Variants in ESRRB observed in about 807,000 individuals in gnomAD.
The protein encoded by ESRRB is steroid hormone receptor ERR2.
A neutral mutation model predicts 46.0 loss-of-function variants in ESRRB; 16 were observed. The ratio of observed to expected loss-of-function variants is 0.35; its 90% CI spans 0.24 to 0.53. ESRRB has a LOEUF of 0.53. ESRRB is among the 20% of genes least tolerant of loss of function. ESRRB has a pLI of 0.93. For synonymous variants in ESRRB, 246 were observed against 259.6 expected, an observed-to-expected ratio of 0.95 and a Z score of 0.50; for missense variants, 488 against 607.4, an observed-to-expected ratio of 0.80 and a Z score of 2.07.
intron 1 of ESRRB, among the ~76,000 whole-genome samples, chr14:76,320,051 C>G (rs1883849619): frequency 6.6e-6 from 1 of 152,140 alleles, no homozygotes. Flanking sequence ...ACTCAACTGC[C>G]AAGCATGCTT....
In ESRRB at chr14:76,332,938, C is replaced by T. The variant is rs368655891; in HGVS notation, c.2+22022C>T. On this transcript the variant is annotated intron_variant, in intron 1 of 6. Coordinates refer to the ESRRB transcript ENST00000512784. ...ATTATATATATTTATATATTATATA[C>T]TTATATATTATATATTTACATTATA... is the stretch of plus-strand genomic sequence containing the variant. 4.9e-3 allele frequency among the ~76,000 whole-genome samples: 160 copies of T among 32,416 alleles called. 12 individuals carry two copies. The highest frequency in any genetic ancestry group is 6.2e-3 in the Non-Finnish European group (122 of 19,634). 21.3% of individuals were successfully genotyped at this position (32,416 alleles called of 152,430 possible).
At chr14:76,359,791 G>T (rs1296324476) in intron 1 of ESRRB, among the ~76,000 whole-genome samples, 1 of 152,136 alleles carries the variant, frequency 6.6e-6, no homozygotes, top group Non-Finnish European at 1.5e-5. Flanking sequence ...GCATGAGAAG[G>T]GAGGAAGAGG....
chr14:76,411,534 G>A lies in ESRRB; in HGVS notation c.51-27807G>A, dbSNP rs112714774. ...GTACCCCTTTATGAGAGTGAGGGGT[G>A]GAGTGTGTTGAGTGAATCCTCGCCT... On this transcript the variant is annotated intron_variant, in intron 1 of 6. Coordinates refer to ENST00000644823, the MANE Select transcript of ESRRB (RefSeq NM_001379180.1). Among the ~76,000 whole-genome samples, 259 of 152,250 alleles carry A rather than the reference G, an allele frequency of 1.7e-3. 1 individual carries two copies. Among genetic ancestry groups the A allele is most frequent in the African/African-American group, 5.9e-3 (247 of 41,556 alleles).
intron 1 of ESRRB, among the ~76,000 whole-genome samples, chr14:76,423,055 C>T (rs1199340022): frequency 2.0e-5 from 3 of 152,062 alleles, no homozygotes; most frequent in African/African-American, 7.3e-5. Context: ...CTCTAAGTTG[C>T]CAACCCAACA....
At chr14:76,441,335 G>C (rs1887914008) in intron 2 of ESRRB, among the ~76,000 whole-genome samples, 2 of 152,190 alleles carry the variant, frequency 1.3e-5, no homozygotes, top group African/African-American at 4.8e-5. Context: ...CAAGAACCCT[G>C]GTGGGTCGCT....
At chr14:76,399,291 G>C (rs991624162) in intron 1 of ESRRB, among the ~76,000 whole-genome samples, 3 of 152,136 alleles carry the variant, frequency 2.0e-5, no homozygotes, top group Non-Finnish European at 4.4e-5. Flanking sequence ...GGGTTCCCTG[G>C]TATTGCTCTG....
chr14:76,407,225 T>C (rs965134706), intron 1 of ESRRB, among the ~76,000 whole-genome samples: 2 of 152,216 alleles, frequency 1.3e-5, no homozygotes, highest in Non-Finnish European at 2.9e-5. Context: ...AGACCAGCGA[T>C]CTGAATTTAA....
At chr14:76,420,857 A>G (rs1886925993) in intron 1 of ESRRB, among the ~76,000 whole-genome samples, 1 of 152,088 alleles carries the variant, frequency 6.6e-6, no homozygotes, top group African/African-American at 2.4e-5. Context: ...CCACCCTCAC[A>G]CACCCCACCT....
chr14:76,427,053 A>C (rs1887233925), intron 1 of ESRRB, among the ~76,000 whole-genome samples: 1 of 152,206 alleles, frequency 6.6e-6, no homozygotes, highest in East Asian at 1.9e-4. Context: ...TGCCAACAGT[A>C]ACTGGGGCTT....
At chr14:76,484,042 G>T (rs1208857912) in intron 5 of ESRRB, among the ~76,000 whole-genome samples, 1 of 152,174 alleles carries the variant, frequency 6.6e-6, no homozygotes, top group Non-Finnish European at 1.5e-5. Flanking sequence ...TTTTAGTAGA[G>T]ACGGGGTTTT....
At chr14:76,453,098 C>T (rs565135317) in intron 2 of ESRRB, among the ~76,000 whole-genome samples, 2 of 152,324 alleles carry the variant, frequency 1.3e-5, no homozygotes, top group South Asian at 2.1e-4. Flanking sequence ...TCTGATTTAG[C>T]CTTTCAGGTG....
At chr14:76,407,648 GT>G in intron 1 of ESRRB, 1 of 925,826 alleles carries the variant, frequency 1.1e-6, no homozygotes, top group Non-Finnish European at 1.3e-6. Flanking sequence ...TTCACACTCA[GT>G]CCAAAACCCT....
At chr14:76,467,387 G>C (rs560725408) in intron 3 of ESRRB, among the ~76,000 whole-genome samples, 2 of 151,326 alleles carry the variant, frequency 1.3e-5, no homozygotes, top group Non-Finnish European at 2.9e-5. Flanking sequence ...TGTAATCCCA[G>C]CTACTCTGGA....
chr14:76,372,188 G>A (rs543635968), upstream of ESRRB, among the ~76,000 whole-genome samples: 1 of 152,314 alleles, frequency 6.6e-6, no homozygotes, highest in East Asian at 1.9e-4. Flanking sequence ...CGGGTGGTTA[G>A]TGGGAACCTG....
chr14:76,473,170 C>T (rs1211049077), intron 3 of ESRRB, among the ~76,000 whole-genome samples: 2 of 152,214 alleles, frequency 1.3e-5, no homozygotes, highest in Non-Finnish European at 2.9e-5. Flanking sequence ...GTCGCCTGAC[C>T]TTTCTGAGCT....
At chr14:76,344,912 A>T (rs1884232417) in intron 1 of ESRRB, among the ~76,000 whole-genome samples, 1 of 152,006 alleles carries the variant, frequency 6.6e-6, no homozygotes, top group Non-Finnish European at 1.5e-5. Flanking sequence ...ATGTTAATTC[A>T]TTCCTTTTTA....
At chr14:76,410,472 A>G (rs557042589) in intron 1 of ESRRB, among the ~76,000 whole-genome samples, 10 of 152,258 alleles carry the variant, frequency 6.6e-5, no homozygotes, top group African/African-American at 2.2e-4. Context: ...GAACCTTACA[A>G]TATTTTCAAA....
In ESRRB at chr14:76,405,161, C is replaced by T. The variant is rs546613352; in HGVS notation, c.50+28710C>T. Among the ~76,000 whole-genome samples, 44 of 152,174 alleles carry T rather than the reference C, an allele frequency of 2.9e-4. No homozygotes were observed. In the South Asian group the frequency reaches 4.8e-3, roughly 17 times the overall value. On this transcript the variant is annotated intron_variant, in intron 1 of 6. Transcript: ENST00000644823. ...TGTCACTGAGGCTGGAGTGCAGTGG[C>T]GTGATCAGAGCTCACTGCAGACTTG...
chr14:76,395,911 A>G (rs1168145874), intron 1 of ESRRB, among the ~76,000 whole-genome samples: 1 of 151,966 alleles, frequency 6.6e-6, no homozygotes, highest in Non-Finnish European at 1.5e-5. Flanking sequence ...ATGGTGGCTG[A>G]CGCCTGTAAT....
Sources: gnomAD v4.1 joint callset for allele counts (sites outside exome capture counted in the v4.1 genomes callset) on GRCh38, gnomAD v4.1.1 for gene constraint, MANE v1.5 for transcripts, NCBI Gene and HGNC (gene_info 2026-07-23, HGNC 2026-07-21) for gene names.